SPECC1: variants seen among roughly 807,000 people sequenced by gnomAD.
SPECC1 encodes the protein sperm antigen with calponin homology and coiled-coil domains 1.
SPECC1 carries 62 observed loss-of-function variants against 104.1 expected under a neutral mutation model. The observed-to-expected ratio is 0.60, with a 90% confidence interval of 0.49 to 0.74. The LOEUF (loss-of-function observed/expected upper bound fraction) is 0.74, where lower values mean the gene tolerates loss of function less well. Ranked by LOEUF, SPECC1 falls within the 30% of genes least tolerant of loss-of-function variation. The probability of loss-of-function intolerance (pLI) is 0.00; values close to 1 mark genes in which losing one functional copy is unlikely to be tolerated. For synonymous variants in SPECC1, 513 were observed against 501.6 expected (o/e 1.02, Z -0.30); for missense variants, 1,306 against 1,310.5 (o/e 1.00, Z 0.05).
At chr17:20,282,722 C>T (rs1437187993) in intron 12 of SPECC1, among the ~76,000 whole-genome samples, 2 of 152,140 alleles carry the variant, frequency 1.3e-5, no homozygotes, top group Non-Finnish European at 2.9e-5. Flanking sequence ...ACAGTGGAAA[C>T]AGCCATGAGC....
chr17:20,149,441 C>T (rs1183940282), intron 3 of SPECC1, among the ~76,000 whole-genome samples: 1 of 152,118 alleles, frequency 6.6e-6, no homozygotes, highest in African/African-American at 2.4e-5. Flanking sequence ...GTTTTCCTTC[C>T]AGGAGCCTAT....
In SPECC1 at chr17:20,186,699, A is replaced by G. The variant is rs559481878; in HGVS notation, c.284-17634A>G. On this transcript the variant is annotated intron_variant, in intron 3 of 14. Coordinates refer to ENST00000395527, the MANE Select transcript of SPECC1 (RefSeq NM_001243439.2). Reference sequence around the variant, plus strand: ...CCACCTCAGCCTCTCCTGAGTAGCTAGAGCTGCAGGCAGACACCACCACAC... The same window carrying G: ...CCACCTCAGCCTCTCCTGAGTAGCTGGAGCTGCAGGCAGACACCACCACAC... Among the ~76,000 whole-genome samples, 6 of 152,250 alleles carry G rather than the reference A, an allele frequency of 3.9e-5. 1 individual carries two copies. The South Asian group carries it at 1.2e-3, about 32-fold the overall frequency.
In SPECC1 at chr17:20,136,060, C is replaced by T. The variant is rs189453652; in HGVS notation, c.283+25498C>T. Among the ~76,000 whole-genome samples the T allele has an allele frequency of 1.1e-3, 175 of 152,182 alleles. 1 individual carries two copies. Among genetic ancestry groups the T allele is most frequent in the African/African-American group, 3.7e-3 (153 of 41,518 alleles). On this transcript the variant is annotated intron_variant, in intron 3 of 14. Coordinates refer to ENST00000395527, the MANE Select transcript of SPECC1 (RefSeq NM_001243439.2). The stretch of plus-strand genomic sequence containing the variant: ...GTTGCTGTAGAAAGGGCCTACACAC[C>T]CTGCTGTAGAAAGGGTCCTAGAGTT...
chr17:20,181,869 AC>A (rs1426776876), intron 3 of SPECC1, among the ~76,000 whole-genome samples: 1 of 152,094 alleles, frequency 6.6e-6, no homozygotes, highest in Non-Finnish European at 1.5e-5. Flanking sequence ...ATAAAACAAG[AC>A]CTGAGATAAT....
chr17:20,309,773 C>T (rs1485542215), intron 14 of SPECC1, among the ~76,000 whole-genome samples: 1 of 150,914 alleles, frequency 6.6e-6, no homozygotes, highest in East Asian at 1.9e-4. Context: ...ATATATGTAC[C>T]ACATTTTCTT....
chr17:20,012,461 A>G (rs564063909), intron 1 of SPECC1, among the ~76,000 whole-genome samples: 60 of 151,914 alleles, frequency 3.9e-4, no homozygotes, highest in African/African-American at 1.4e-3. Flanking sequence ...AAAGGTTCAC[A>G]ATTCTTGTAT....
Position 20,272,380 on chromosome 17 carries a change from T to C in SPECC1, c.2940+12086T>C, listed in dbSNP as rs150381315. Reference sequence around the variant, plus strand: ...TTGCATCATTTCAATTGTTTTTTAATTGTGAAATGTACATAGGATAAAATT... The same window carrying C: ...TTGCATCATTTCAATTGTTTTTTAACTGTGAAATGTACATAGGATAAAATT... On this transcript the variant is annotated intron_variant, in intron 12 of 14. Coordinates refer to ENST00000395527, the MANE Select transcript of SPECC1 (RefSeq NM_001243439.2). Among the ~76,000 whole-genome samples, 377 of 152,324 alleles carry C rather than the reference T, an allele frequency of 2.5e-3. 2 individuals carry two copies. The highest frequency in any genetic ancestry group is 8.3e-3 in the African/African-American group (346 of 41,558).
chr17:20,252,623 C>T (rs538675611), intron 9 of SPECC1, among the ~76,000 whole-genome samples: 1 of 152,274 alleles, frequency 6.6e-6, no homozygotes, highest in South Asian at 2.1e-4. Context: ...CCGCTCTTGT[C>T]CTTCAGTGAC....
intron 1 of SPECC1, among the ~76,000 whole-genome samples, chr17:20,084,069 T>C (rs2047083317): frequency 6.6e-6 from 1 of 152,222 alleles, no homozygotes; most frequent in Non-Finnish European, 1.5e-5. Flanking sequence ...GGTCATTTTT[T>C]ATTGCCTTGT....
chr17:20,255,132 G>A (rs1171338677), intron 10 of SPECC1, among the ~76,000 whole-genome samples: 1 of 152,202 alleles, frequency 6.6e-6, no homozygotes, highest in African/African-American at 2.4e-5. Flanking sequence ...TTCTAAAGTG[G>A]TGAAAGTTTA....
Position 20,232,548 on chromosome 17 carries a change from C to T in SPECC1, c.2351+143C>T, listed in dbSNP as rs1567968012. 4 of 890,246 alleles carry T rather than the reference C, an allele frequency of 4.5e-6. No homozygotes were observed. In the African/African-American group the frequency reaches 6.7e-5, roughly 15 times the overall value. The allele number at this position is 890,246 out of a possible 1,614,324, so 55.1% of individuals were successfully genotyped here. A position where few individuals can be genotyped will look rare whatever the true frequency, so the allele number is the denominator to read the frequency against. On this transcript the variant is annotated intron_variant, in intron 7 of 14. Coordinates refer to ENST00000395527, the MANE Select transcript of SPECC1 (RefSeq NM_001243439.2). ...ACCCTGAATTACTAGCACCACCTTA[C>T]CACTAGGAACATTCTGTACAGTACC...
intron 3 of SPECC1, among the ~76,000 whole-genome samples, chr17:20,142,081 G>A (rs973968417): frequency 3.3e-5 from 5 of 152,210 alleles, no homozygotes; most frequent in Admixed American, 2.0e-4. Flanking sequence ...GTTATCTACC[G>A]AATGAAGGAA....
chr17:20,037,932 A>G (rs2045158182), intron 1 of SPECC1, among the ~76,000 whole-genome samples: 1 of 152,162 alleles, frequency 6.6e-6, no homozygotes, highest in Non-Finnish European at 1.5e-5. Context: ...TTACAAATTC[A>G]ATTTTCTCAG....
intron 7 of SPECC1, chr17:20,238,627 T>G: frequency 9.6e-7 from 1 of 1,041,750 alleles, no homozygotes; most frequent in Non-Finnish European, 1.2e-6. Flanking sequence ...CATTGAGGTC[T>G]TCTCTGTAAA....
intron 1 of SPECC1, among the ~76,000 whole-genome samples, chr17:20,043,286 A>G (rs2045407264): frequency 6.6e-6 from 1 of 152,202 alleles, no homozygotes; most frequent in Admixed American, 6.5e-5. Flanking sequence ...TCCTGTATCT[A>G]ATAAATTATC....
chr17:20,237,311 TTTTG>T (rs1274902445), intron 7 of SPECC1: 25 of 1,043,308 alleles, frequency 2.4e-5, no homozygotes, highest in African/African-American at 1.2e-4. Flanking sequence ...TGTTGTTTTG[TTTTG>T]TTTTTTTTTT....
At chr17:20,126,912 A>G (rs945405441) in intron 3 of SPECC1, among the ~76,000 whole-genome samples, 7 of 152,108 alleles carry the variant, frequency 4.6e-5, no homozygotes, top group African/African-American at 1.7e-4. Context: ...TATTACTTTG[A>G]TTATTGCTTC....
chr17:20,175,048 C>G (rs971131575), intron 3 of SPECC1, among the ~76,000 whole-genome samples: 4 of 152,166 alleles, frequency 2.6e-5, no homozygotes, highest in African/African-American at 9.7e-5. Context: ...CCCTGGACAG[C>G]CTGGGGCCGC....
intron 3 of SPECC1, chr17:20,156,326 G>C: frequency 7.8e-7 from 1 of 1,275,788 alleles, no homozygotes; most frequent in Non-Finnish European, 1.0e-6. Flanking sequence ...TCGCGGCGCC[G>C]ACTGGGGCGA....
Sources: allele counts gnomAD v4.1 joint callset (sites outside exome capture counted in the v4.1 genomes callset), GRCh38; gene constraint gnomAD v4.1.1; transcripts MANE v1.5; gene names NCBI Gene and HGNC (gene_info 2026-07-23, HGNC 2026-07-21).